Variants in HELLS observed in about 807,000 individuals in gnomAD.
HELLS encodes lymphoid-specific helicase.
HELLS carries 32 observed loss-of-function variants against 120.0 expected under a neutral mutation model. The ratio of observed to expected loss-of-function variants is 0.27; its 90% CI spans 0.20 to 0.36. The LOEUF (loss-of-function observed/expected upper bound fraction) is 0.36, where lower values mean the gene tolerates loss of function less well. Among genes scored for constraint, HELLS ranks in the 10% least tolerant of loss-of-function variants. The probability of loss-of-function intolerance (pLI) is 1.00; values close to 1 mark genes in which losing one functional copy is unlikely to be tolerated. For synonymous variants in HELLS, 341 were observed against 323.4 expected (o/e 1.05, Z -0.58); for missense variants, 650 against 993.4 (o/e 0.65, Z 4.65).
downstream of HELLS, among the ~76,000 whole-genome samples, chr10:94,603,487 A>G (rs187058952): frequency 4.6e-5 from 7 of 152,166 alleles, no homozygotes; most frequent in Admixed American, 3.9e-4. Flanking sequence ...CTATCCTCTA[A>G]ACATTGAAAT....
chr10:94,613,478 T>C (rs2134147943), exon 10 of HELLS: 1 of 152,320 alleles, frequency 6.6e-6, no homozygotes, highest in African/African-American at 2.4e-5. Flanking sequence ...ACATCTTAAA[T>C]GCTTGATTTG....
chr10:94,595,917 G>A (rs1030881213), intron 19 of HELLS, among the ~76,000 whole-genome samples: 5 of 152,184 alleles, frequency 3.3e-5, no homozygotes, highest in African/African-American at 9.7e-5. Flanking sequence ...TGAGGTAAGA[G>A]TGTATTAAGG....
chr10:94,590,675 G>A lies in HELLS; in HGVS notation c.1666G>A (p.Val556Ile). The A allele has an allele frequency of 6.2e-7, 1 of 1,610,778 alleles. No individual in the cohort carries two copies. Among genetic ancestry groups the A allele is most frequent in the South Asian group, 1.1e-5 (1 of 90,086 alleles). The change falls in exon 15 of 22, where the codon GTT becomes ATT. Residue 556 changes from valine to isoleucine, a missense_variant. Around this residue, in one of 9 missense-constraint regions of HELLS, gnomAD observed 191 missense variants for 259.7 expected, o/e 0.74. Transcript: ENST00000348459. ...VEVNIPVESE[V>I]NLKLQNIMML... ...AGTGAATATCCCTGTAGAATCTGAA[G>A]TTAATCTGAAGCTGCAGAATATAAT... is the stretch of plus-strand genomic sequence containing the variant.
chr10:94,602,295 G>A (rs1204988366), downstream of HELLS, among the ~76,000 whole-genome samples: 1 of 152,132 alleles, frequency 6.6e-6, no homozygotes, highest in African/African-American at 2.4e-5. Flanking sequence ...CTTGAGAAAC[G>A]ACTAGAAATT....
At chr10:94,588,961 A>G (rs1417524242) in intron 13 of HELLS, among the ~76,000 whole-genome samples, 4 of 152,132 alleles carry the variant, frequency 2.6e-5, no homozygotes, top group Non-Finnish European at 5.9e-5. Context: ...AGTCTGACCA[A>G]CATGGAGAAA....
Position 94,590,400 on chromosome 10 carries a change from C to T in HELLS, c.1489-13C>T, listed in dbSNP as rs748599176. On this transcript the variant is annotated splice_polypyrimidine_tract_variant and intron_variant, in intron 13 of 21. Coordinates refer to ENST00000348459, the MANE Select transcript of HELLS (RefSeq NM_018063.5). ...TTTATAAACTGAATTTCTTTTAATT[C>T]GTTCCCTTTTAGAAAGAAACAATTG... 18 of 1,587,462 alleles carry T rather than the reference C, an allele frequency of 1.1e-5. No homozygotes were observed. Among genetic ancestry groups the T allele is most frequent in the Middle Eastern group, 1.7e-4 (1 of 5,942 alleles).
intron 10 of HELLS, among the ~76,000 whole-genome samples, chr10:94,577,894 T>C (rs1455488218): frequency 6.6e-6 from 1 of 152,054 alleles, no homozygotes; most frequent in African/African-American, 2.4e-5. Context: ...ACCCCGTCTC[T>C]ACTAAAAATT....
chr10:94,576,876 A>C (rs1327568124), intron 10 of HELLS, 71 bp downstream of exon 10: 103 of 1,341,632 alleles, frequency 7.7e-5, no homozygotes, highest in Non-Finnish European at 9.5e-5. Flanking sequence ...TCACTTTCTC[A>C]CCATCTGGGA....
At chr10:94,551,014 G>A (rs552731477) in intron 2 of HELLS, 5 of 152,272 alleles carry the variant, frequency 3.3e-5, no homozygotes, top group Non-Finnish European at 4.4e-5. Flanking sequence ...TCCATATATT[G>A]TGTAAGTAAT....
chr10:94,559,543 T>G (rs1468403557), intron 4 of HELLS, among the ~76,000 whole-genome samples: 1 of 152,044 alleles, frequency 6.6e-6, no homozygotes, highest in Non-Finnish European at 1.5e-5. Flanking sequence ...CCTCCTGGGT[T>G]CAAGCAATTC....
chr10:94,554,028 A>C, intron 2 of HELLS, 98 bp from the exon 3 acceptor site: 1 of 1,174,772 alleles, frequency 8.5e-7, no homozygotes, highest in Non-Finnish European at 1.2e-6. Context: ...GTTTGGTTTA[A>C]AAAATGTTAT....
At chr10:94,559,131 C>T (rs1235200696) in intron 4 of HELLS, among the ~76,000 whole-genome samples, 3 of 152,252 alleles carry the variant, frequency 2.0e-5, no homozygotes, top group African/African-American at 4.8e-5. Context: ...AATTTTAGTC[C>T]TCCAATACAT....
At chr10:94,567,313 T>C (rs560815373) in intron 6 of HELLS, among the ~76,000 whole-genome samples, 1 of 152,308 alleles carries the variant, frequency 6.6e-6, no homozygotes, top group South Asian at 2.1e-4. Context: ...CAAGGTTTTT[T>C]TTGAGACACA....
At chr10:94,609,814 C>T (rs759620125) in intron 9 of HELLS, 3 of 152,164 alleles carry the variant, frequency 2.0e-5, no homozygotes, top group Non-Finnish European at 4.4e-5. Flanking sequence ...TGTACTCAAA[C>T]TTGTTTCTAC....
intron 7 of HELLS, among the ~76,000 whole-genome samples, chr10:94,572,692 C>T (rs1015137999): frequency 3.3e-5 from 5 of 152,122 alleles, no homozygotes; most frequent in African/African-American, 1.2e-4. Context: ...GCCTGTGTAC[C>T]TGGGAATGGT....
chr10:94,555,639 T>G (rs949474561), intron 3 of HELLS, among the ~76,000 whole-genome samples: 1 of 152,074 alleles, frequency 6.6e-6, no homozygotes, highest in South Asian at 2.1e-4. Flanking sequence ...TCTTTCTTTC[T>G]TTTTTTTGGA....
At chr10:94,546,173 C>T (rs1239064265) in intron 1 of HELLS, among the ~76,000 whole-genome samples, 5 of 152,170 alleles carry the variant, frequency 3.3e-5, no homozygotes, top group Non-Finnish European at 5.9e-5. Context: ...TTTTCCCGAG[C>T]ATCCCGAGTT....
chr10:94,555,516 T>C (rs1027225732), intron 3 of HELLS, among the ~76,000 whole-genome samples: 4 of 152,370 alleles, frequency 2.6e-5, no homozygotes, highest in African/African-American at 9.6e-5. Flanking sequence ...TGGAGGTTCC[T>C]GGAGAGGATG....
intron 17 of HELLS, 118 bp from the exon 18 acceptor site, chr10:94,593,381 A>T: frequency 1.6e-6 from 1 of 630,844 alleles, no homozygotes; most frequent in Non-Finnish European, 2.9e-6. Context: ...GATCTGAATG[A>T]TTTGTTTGGC....
Sources: gnomAD v4.1 joint callset for allele counts (sites outside exome capture counted in the v4.1 genomes callset) on GRCh38, gnomAD v4.1.1 for gene constraint, gnomAD v4.1.1 regional missense constraint, MANE v1.5 for transcripts, NCBI Gene and HGNC (gene_info 2026-07-23, HGNC 2026-07-21) for gene names.